The following TNKS variants were observed in gnomAD, a reference collection of about 807,000 sequenced individuals.
The protein encoded by TNKS is tankyrase, also known as poly [ADP-ribose] polymerase tankyrase-1.
Under a neutral mutation model 135.8 loss-of-function variants are expected in TNKS, and 72 were observed. The observed-to-expected ratio is 0.53, with a 90% CI of 0.44 to 0.64. The LOEUF is 0.64. TNKS is among the 30% of genes least tolerant of loss of function. TNKS has a pLI of 0.00. For missense variants in TNKS, 1,769 were observed against 1,674.0 expected (o/e 1.06, Z -0.99); for synonymous variants, 849 against 649.3 (o/e 1.31, Z -4.68).
intron 24 of TNKS, 43 bp from the exon 25 acceptor site, chr8:9,766,196 G>C (rs936461509): frequency 5.2e-6 from 8 of 1,548,528 alleles, no homozygotes; most frequent in Non-Finnish European, 7.0e-6. Context: ...TGAGCTTCTA[G>C]AAAAGTGTTC....
At chr8:9,652,816 C>A (rs182254225) in intron 3 of TNKS, among the ~76,000 whole-genome samples, 1 of 152,170 alleles carries the variant, frequency 6.6e-6, no homozygotes, top group Non-Finnish European at 1.5e-5. Context: ...TTATCCCTGA[C>A]CCTCAGAGCG....
At chr8:9,752,967 A>G (rs1379452263) in intron 20 of TNKS, among the ~76,000 whole-genome samples, 3 of 146,374 alleles carry the variant, frequency 2.0e-5, no homozygotes, top group Non-Finnish European at 3.0e-5. Context: ...CCTATCTCGA[A>G]AAAAAAAAAA....
chr8:9,723,935 T>C (rs1011073041), intron 12 of TNKS, among the ~76,000 whole-genome samples: 1 of 152,326 alleles, frequency 6.6e-6, no homozygotes, highest in Middle Eastern at 3.4e-3. Context: ...AAATTAAACA[T>C]TGAAACCCCA....
At chr8:9,648,684 G>C (rs1462410369) in intron 3 of TNKS, among the ~76,000 whole-genome samples, 3 of 152,138 alleles carry the variant, frequency 2.0e-5, no homozygotes, top group Non-Finnish European at 4.4e-5. Flanking sequence ...GACATTACTA[G>C]GTGATAGAAA....
At chr8:9,576,466 CTTTTTTT>C (rs915555599) in intron 1 of TNKS, among the ~76,000 whole-genome samples, 5 of 131,516 alleles carry the variant, frequency 3.8e-5, no homozygotes, top group East Asian at 2.1e-4. Context: ...CCACCCCCCT[CTTTTTTT>C]TTTTTTTTTT....
At chr8:9,664,980 A>G (rs2128789834) in intron 3 of TNKS, among the ~76,000 whole-genome samples, 1 of 152,348 alleles carries the variant, frequency 6.6e-6, no homozygotes, top group Middle Eastern at 3.4e-3. Context: ...TAAGCCAAAT[A>G]TAGTAACTTC....
chr8:9,709,581 T>C (rs1804216047), intron 9 of TNKS, among the ~76,000 whole-genome samples: 1 of 152,214 alleles, frequency 6.6e-6, no homozygotes, highest in African/African-American at 2.4e-5. Context: ...TTAGAAATAC[T>C]GACTTGTGTG....
intron 13 of TNKS, among the ~76,000 whole-genome samples, chr8:9,728,163 G>A (rs570955281): frequency 4.6e-5 from 7 of 152,242 alleles, no homozygotes; most frequent in East Asian, 1.9e-4. Context: ...TCCATTCACA[G>A]TGAAGGCCTA....
chr8:9,617,018 T>A (rs1799669323), intron 3 of TNKS, among the ~76,000 whole-genome samples: 1 of 152,188 alleles, frequency 6.6e-6, no homozygotes, highest in Non-Finnish European at 1.5e-5. Flanking sequence ...TCTTTGTATA[T>A]CTAAATGTCC....
rs949378498 is a variant in TNKS at position 9,640,559 on chromosome 8, T to A, written c.994+24882T>A. Among the ~76,000 whole-genome samples, 4 of 146,218 alleles carry A rather than the reference T, an allele frequency of 2.7e-5. 1 individual carries two copies. Among genetic ancestry groups the A allele is most frequent in the Non-Finnish European group, 6.0e-5 (4 of 66,726 alleles). ...TAACTATCTGACTGGATCCATTATA[T>A]TCAAGAACCTGCCTTAAGTTATATG... On this transcript the variant is annotated intron_variant, in intron 3 of 26. Coordinates refer to ENST00000310430, the MANE Select transcript of TNKS (RefSeq NM_003747.3).
chr8:9,594,374 A>G (rs1798696325), intron 2 of TNKS, among the ~76,000 whole-genome samples: 3 of 152,202 alleles, frequency 2.0e-5, no homozygotes, highest in Admixed American at 6.5e-5. Flanking sequence ...TTAAATTAAA[A>G]TCAATTACAG....
In TNKS at chr8:9,720,560, A is replaced by T. The variant is rs1804825034; in HGVS notation, c.1921+15A>T. The stretch of plus-strand genomic sequence containing the variant: ...GATTCTGAGTGGTGAGTTAAAATAG[A>T]CCAACAGGGCATTTTATGTTTTCTC... On this transcript the variant is annotated intron_variant, in intron 12 of 26. Coordinates refer to ENST00000310430, the MANE Select transcript of TNKS (RefSeq NM_003747.3). 6.3e-7 allele frequency: 1 copy of T among 1,594,282 alleles called. No individual in the cohort carries two copies. Among genetic ancestry groups the T allele is most frequent in the Non-Finnish European group, 8.5e-7 (1 of 1,170,124 alleles).
intron 5 of TNKS, among the ~76,000 whole-genome samples, chr8:9,704,074 C>A (rs1006089826): frequency 5.9e-5 from 9 of 152,206 alleles, no homozygotes; most frequent in African/African-American, 2.2e-4. Flanking sequence ...CCTTGGTATA[C>A]ATCATTGCAC....
intron 2 of TNKS, among the ~76,000 whole-genome samples, chr8:9,600,011 A>G (rs1163759754): frequency 6.6e-6 from 1 of 152,200 alleles, no homozygotes; most frequent in African/African-American, 2.4e-5. Flanking sequence ...GTGGGTAATT[A>G]AATATTTTTT....
intron 3 of TNKS, among the ~76,000 whole-genome samples, chr8:9,676,443 A>C (rs1802539342): frequency 6.6e-6 from 1 of 152,106 alleles, no homozygotes; most frequent in Non-Finnish European, 1.5e-5. Flanking sequence ...TCATCCTGTC[A>C]GTTTCTGAAG....
At chr8:9,716,217 C>T (rs1356349552) in intron 11 of TNKS, among the ~76,000 whole-genome samples, 1 of 152,048 alleles carries the variant, frequency 6.6e-6, no homozygotes, top group Admixed American at 6.6e-5. Flanking sequence ...GAAGCGATCA[C>T]GAGTCTTTGC....
intron 11 of TNKS, among the ~76,000 whole-genome samples, chr8:9,717,359 C>T (rs1804665554): frequency 6.6e-6 from 1 of 151,768 alleles, no homozygotes; most frequent in Non-Finnish European, 1.5e-5. Context: ...ATGATGAATA[C>T]TTGTAAAACA....
rs1438177899 is a variant in TNKS at position 9,781,370 on chromosome 8, GT to G, written c.*4636del. ...TTCAGAGTGTTTGCAGAGAAATGCA[GT>G]TGAACCCTGGTAGTGGGGTGTCCCT... On this transcript the variant is annotated 3_prime_UTR_variant, in exon 27 of 27. Coordinates refer to ENST00000310430, the MANE Select transcript of TNKS (RefSeq NM_003747.3). 6.6e-6 allele frequency: 1 copy of G among 152,180 alleles called. No homozygotes were observed. Among genetic ancestry groups the G allele is most frequent in the Non-Finnish European group, 1.5e-5 (1 of 68,050 alleles). 9.4% of individuals were successfully genotyped at this position (152,180 alleles called of 1,614,324 possible). A position where few individuals can be genotyped will look rare whatever the true frequency, so the allele number is the denominator to read the frequency against.
intron 3 of TNKS, among the ~76,000 whole-genome samples, chr8:9,651,360 G>C (rs771339572): frequency 2.6e-4 from 40 of 152,112 alleles, no homozygotes; most frequent in Non-Finnish European, 4.9e-4. Flanking sequence ...GAAAGTGATT[G>C]ACATATGCAT....
Sources: gnomAD v4.1 joint callset for allele counts (sites outside exome capture counted in the v4.1 genomes callset) on GRCh38, gnomAD v4.1.1 for gene constraint, MANE v1.5 for transcripts, NCBI Gene and HGNC (gene_info 2026-07-23, HGNC 2026-07-21) for gene names.